Variants in HAPLN1 observed in about 807,000 individuals in gnomAD.
HAPLN1 encodes the protein Cartilage link protein.
A neutral mutation model predicts 36.5 loss-of-function variants in HAPLN1; 13 were observed. That is an observed-to-expected ratio of 0.36 (90% CI 0.23 to 0.57). HAPLN1 has a LOEUF of 0.57. Among genes scored for constraint, HAPLN1 ranks in the 20% least tolerant of loss-of-function variants. The probability of loss-of-function intolerance (pLI) is 0.83; values close to 1 mark genes in which losing one functional copy is unlikely to be tolerated. For synonymous variants in HAPLN1, 202 were observed against 169.8 expected (o/e 1.19, Z -1.48); for missense variants, 407 against 439.7 (o/e 0.93, Z 0.66).
chr5:83,690,931 T>C (rs1287294526), intron 1 of HAPLN1, among the ~76,000 whole-genome samples: 1 of 151,918 alleles, frequency 6.6e-6, no homozygotes, highest in Non-Finnish European at 1.5e-5. Context: ...AGCAAAACTA[T>C]GAAAATAAAA....
rs1439187031 is a variant in HAPLN1, at chr5:83,643,380, A to T, written c.775+983T>A. The stretch of plus-strand genomic sequence containing the variant: ...AAAAAAAAAAAAAAAAAAAAAGATT[A>T]TTGACCCCTGACCCATAATCTCTTT... On this transcript the variant is annotated intron_variant, in intron 4 of 4. Transcript: ENST00000274341. Among the ~76,000 whole-genome samples the T allele has an allele frequency of 3.5e-5, 5 of 143,754 alleles. No individual in the cohort carries two copies. In the East Asian group the frequency reaches 1.0e-3, roughly 30 times the overall value. 94.3% of individuals were successfully genotyped at this position (143,754 alleles called of 152,430 possible).
intron 3 of HAPLN1, among the ~76,000 whole-genome samples, chr5:83,648,224 C>A (rs1008142714): frequency 3.5e-4 from 53 of 151,298 alleles, no homozygotes; most frequent in African/African-American, 1.2e-3. Flanking sequence ...TATGAAAATG[C>A]CGTGTTTCCA....
intron 1 of HAPLN1, among the ~76,000 whole-genome samples, chr5:83,697,458 G>A (rs2112625812): frequency 6.6e-6 from 1 of 152,228 alleles, no homozygotes; most frequent in South Asian, 2.1e-4. Flanking sequence ...GGACAATTGA[G>A]TTATTTCCAC....
Position 83,637,976 on chromosome 5 carries a change from G to A in HAPLN1, c.*3520C>T, listed in dbSNP as rs1403667505. ...AGAGAAAAAAGTCAATATATTTTGG[G>A]ATAATACTATAGTTGATTTAGCGAC... On this transcript the variant is annotated 3_prime_UTR_variant, in exon 5 of 5. Coordinates refer to ENST00000274341, the MANE Select transcript of HAPLN1 (RefSeq NM_001884.4). 1 of 150,190 alleles carries A rather than the reference G, an allele frequency of 6.7e-6. No homozygotes were observed. Among genetic ancestry groups the A allele is most frequent in the East Asian group, 1.9e-4 (1 of 5,148 alleles). The allele number at this position is 150,190 out of a possible 1,614,324, so 9.3% of individuals were successfully genotyped here.
rs1580111629 is a variant in HAPLN1, at chr5:83,639,374, A to G, written c.*2122T>C. 1 of 152,082 alleles carries G rather than the reference A, an allele frequency of 6.6e-6. No homozygotes were observed. The highest frequency in any genetic ancestry group is 1.9e-4 in the East Asian group (1 of 5,198). 9.4% of individuals were successfully genotyped at this position (152,082 alleles called of 1,614,324 possible). A position where few individuals can be genotyped will look rare whatever the true frequency, so the allele number is the denominator to read the frequency against. ...GAGATTTTGATCAGCACCAATTCCT[A>G]TAGTAGTAAGTATTTAAAAGTTAAG... On this transcript the variant is annotated 3_prime_UTR_variant, in exon 5 of 5. Transcript: ENST00000274341.
In HAPLN1 at chr5:83,652,494, C is replaced by T. The variant is rs1293310724; in HGVS notation, c.431G>A (p.Gly144Glu). The T allele has an allele frequency of 1.2e-6, 2 of 1,614,058 alleles. No homozygotes were observed. The highest frequency in any genetic ancestry group is 8.5e-7 in the Non-Finnish European group (1 of 1,179,934). The change falls in exon 3 of 5, where the codon GGA becomes GAA. Residue 144 changes from glycine (G) to glutamate (E), a missense_variant. By Grantham distance (98) the Gly-to-Glu change is moderately conservative (BLOSUM62 -2). Transcript: ENST00000274341. ...YGRYKCEVIE[G>E]LEDDTVVVAL... ...TACCACAACAGTATCATCTTCTAATCCTTCAATCACCTCACACTTATATCT... is the reference window on the plus strand; with the variant it reads ...TACCACAACAGTATCATCTTCTAATTCTTCAATCACCTCACACTTATATCT...
chr5:83,678,468 A>G (rs1244871380), intron 1 of HAPLN1, among the ~76,000 whole-genome samples: 3 of 152,212 alleles, frequency 2.0e-5, no homozygotes, highest in Admixed American at 6.5e-5. Flanking sequence ...TCATTATAAA[A>G]GATGATTTGC....
intron 1 of HAPLN1, among the ~76,000 whole-genome samples, chr5:83,676,127 CT>C (rs1210791717): frequency 6.6e-6 from 1 of 151,960 alleles, no homozygotes; most frequent in Non-Finnish European, 1.5e-5. Flanking sequence ...TGAACAAAGT[CT>C]TGGTGGTTCA....
chr5:83,686,482 T>A (rs1197943905), intron 1 of HAPLN1, among the ~76,000 whole-genome samples: 1 of 152,146 alleles, frequency 6.6e-6, no homozygotes, highest in East Asian at 1.9e-4. Context: ...TCCACATATG[T>A]TCATTCTTAT....
intron 2 of HAPLN1, among the ~76,000 whole-genome samples, chr5:83,669,834 A>T (rs1050144517): frequency 1.3e-5 from 2 of 152,204 alleles, no homozygotes; most frequent in African/African-American, 4.8e-5. Flanking sequence ...ACAAAGCTCT[A>T]TTGAATAAGC....
intron 1 of HAPLN1, among the ~76,000 whole-genome samples, chr5:83,700,894 TCAAC>T: frequency 6.6e-6 from 1 of 152,184 alleles, no homozygotes; most frequent in South Asian, 2.1e-4. Flanking sequence ...ATAAAGTTTT[TCAAC>T]TCTGCATTAA....
chr5:83,675,110 G>A (rs936479518), intron 1 of HAPLN1, among the ~76,000 whole-genome samples: 6 of 151,952 alleles, frequency 3.9e-5, no homozygotes, highest in African/African-American at 1.5e-4. Flanking sequence ...TATTTTTGTT[G>A]TTGTTGTTGG....
chr5:83,720,270 C>T (rs1580172162), intron 1 of HAPLN1, among the ~76,000 whole-genome samples: 1 of 152,298 alleles, frequency 6.6e-6, no homozygotes, highest in South Asian at 2.1e-4. Flanking sequence ...AGAAGGAAGC[C>T]TGGGCCAAAA....
chr5:83,716,454 C>T (rs945750441), intron 1 of HAPLN1, among the ~76,000 whole-genome samples: 4 of 152,126 alleles, frequency 2.6e-5, no homozygotes, highest in Non-Finnish European at 4.4e-5. Flanking sequence ...AGGTGTCACC[C>T]CTGTTAAGCC....
chr5:83,662,146 G>GC (rs1277546550), intron 2 of HAPLN1, among the ~76,000 whole-genome samples: 1 of 151,998 alleles, frequency 6.6e-6, no homozygotes, highest in South Asian at 2.1e-4. Flanking sequence ...CAGGTGATCT[G>GC]CCCCCCTCGG....
chr5:83,705,313 C>G (rs1032757328), intron 1 of HAPLN1, among the ~76,000 whole-genome samples: 3 of 145,978 alleles, frequency 2.1e-5, no homozygotes, highest in South Asian at 2.2e-4. Flanking sequence ...CCACTTGAAC[C>G]TGGGAGGCGG....
At chr5:83,666,344 C>T (rs1750550854) in intron 2 of HAPLN1, among the ~76,000 whole-genome samples, 1 of 152,050 alleles carries the variant, frequency 6.6e-6, no homozygotes, top group African/African-American at 2.4e-5. Flanking sequence ...AGAGCTGCAA[C>T]CAAAAAGAAA....
intron 3 of HAPLN1, among the ~76,000 whole-genome samples, chr5:83,648,338 G>A (rs1274650511): frequency 1.4e-5 from 2 of 138,588 alleles, no homozygotes; most frequent in East Asian, 2.2e-4. Context: ...TAACAGCAAG[G>A]CACTGTGCTT....
rs1405116663 is a variant in HAPLN1, at chr5:83,641,764, T to C, written c.797A>G (p.His266Arg). The change falls in exon 5 of 5, where the codon CAC becomes CGC. Residue 266 changes from histidine (H) to arginine (R), a missense_variant. Coordinates refer to ENST00000274341, the MANE Select transcript of HAPLN1 (RefSeq NM_001884.4). ...TTCATCATAGGTCAGTTTGGTGGGG[T>C]GGATCAGATAGTAAAAACGGCCTGT... is the stretch of plus-strand genomic sequence containing the variant. ...NFNGRFYYLI[H>R]PTKLTYDEAV... is the part of the protein sequence containing the mutation. The C allele has an allele frequency of 6.2e-7, 1 of 1,613,694 alleles. No individual in the cohort carries two copies. Among genetic ancestry groups the C allele is most frequent in the Non-Finnish European group, 8.5e-7 (1 of 1,179,760 alleles).
Sources: allele counts gnomAD v4.1 joint callset (sites outside exome capture counted in the v4.1 genomes callset), GRCh38; gene constraint gnomAD v4.1.1; transcripts MANE v1.5; gene names NCBI Gene and HGNC (gene_info 2026-07-23, HGNC 2026-07-21).